The following ZNF248 variants were observed in gnomAD, a reference collection of about 807,000 sequenced individuals.
The protein encoded by ZNF248 is KRAB protein domain.
ZNF248 carries 20 observed loss-of-function variants against 44.3 expected under a neutral mutation model. The observed-to-expected ratio is 0.45, with a 90% CI of 0.32 to 0.66. ZNF248 has a LOEUF of 0.66. ZNF248 is among the 30% of genes least tolerant of loss of function. The pLI is 0.04. For synonymous variants in ZNF248, 224 were observed against 229.0 expected, an observed-to-expected ratio of 0.98 and a Z score of 0.20; for missense variants, 654 against 677.0, an observed-to-expected ratio of 0.97 and a Z score of 0.38.
intron 4 of ZNF248, 113 bp from the exon 5 acceptor site, chr10:37,837,825 A>G (rs2057526007): frequency 7.4e-7 from 1 of 1,360,502 alleles, no homozygotes; most frequent in African/African-American, 1.5e-5. Flanking sequence ...GAATGTGCAC[A>G]AATGAACCAA....
intron 6 of ZNF248, chr10:37,802,879 G>GCCAGC (rs2049997711): frequency 6.6e-6 from 1 of 152,264 alleles, no homozygotes; most frequent in Admixed American, 6.5e-5. Context: ...CTGTACCACA[G>GCCAGC]TGGTATGATT....
chr10:37,796,356 C>T (rs772071857), intron 6 of ZNF248, among the ~76,000 whole-genome samples: 16 of 151,408 alleles, frequency 1.1e-4, no homozygotes, highest in Admixed American at 6.6e-4. Flanking sequence ...GCTGGGATTA[C>T]AGGCATGCAC....
chr10:37,791,139 T>C (rs1480834546), intron 6 of ZNF248, among the ~76,000 whole-genome samples: 4 of 145,016 alleles, frequency 2.8e-5, no homozygotes, highest in Admixed American at 2.2e-4. Flanking sequence ...CTTCCCGGGT[T>C]CACGCCATTC....
intron 6 of ZNF248, among the ~76,000 whole-genome samples, chr10:37,781,032 T>A (rs2047254275): frequency 6.6e-6 from 1 of 152,200 alleles, no homozygotes; most frequent in Admixed American, 6.5e-5. Flanking sequence ...ATATGATGGT[T>A]AATTCGACCC....
intron 3 of ZNF248, among the ~76,000 whole-genome samples, chr10:37,838,416 A>G (rs1471448676): frequency 6.6e-6 from 1 of 152,252 alleles, no homozygotes; most frequent in Non-Finnish European, 1.5e-5. Flanking sequence ...TGCAGGAACT[A>G]GCAGTGTGTA....
chr10:37,856,633 GA>G (rs34033199), intron 1 of ZNF248, 101 bp from the exon 2 acceptor site: 499 of 920,018 alleles, frequency 5.4e-4, no homozygotes, highest in East Asian at 1.9e-3. Flanking sequence ...TCCTTGTAGG[GA>G]AAAAAAAAAA....
At chr10:37,774,037 T>G (rs1255910353), downstream of ZNF248, among the ~76,000 whole-genome samples, 1 of 151,526 alleles carries the variant, frequency 6.6e-6, no homozygotes. Context: ...ATCCTATCAG[T>G]TGTTTCTCTG....
chr10:37,800,154 G>A (rs1170385396), intron 6 of ZNF248, among the ~76,000 whole-genome samples: 1 of 152,074 alleles, frequency 6.6e-6, no homozygotes, highest in Non-Finnish European at 1.5e-5. Flanking sequence ...TACATGTACG[G>A]GTTTGTTATA....
chr10:37,777,803 G>A (rs2046772485), intron 6 of ZNF248, among the ~76,000 whole-genome samples: 1 of 150,822 alleles, frequency 6.6e-6, no homozygotes, highest in Non-Finnish European at 1.5e-5. Flanking sequence ...TTTTGTTCTT[G>A]CGATAATTTA....
chr10:37,837,486 T>C (rs146166723), intron 5 of ZNF248, 131 bp downstream of exon 5: 2 of 702,400 alleles, frequency 2.8e-6, no homozygotes, highest in East Asian at 2.7e-5. Flanking sequence ...CCAATTGTTT[T>C]TGATCATTTC....
chr10:37,774,077 C>T (rs1056490066), downstream of ZNF248, among the ~76,000 whole-genome samples: 2 of 152,170 alleles, frequency 1.3e-5, no homozygotes, highest in Admixed American at 1.3e-4. Context: ...GGGCTTAGGG[C>T]ATGTTATTTT....
At chr10:37,770,652 C>T in the ZNF248 span, among the ~76,000 whole-genome samples, 1 of 152,086 alleles carries the variant, frequency 6.6e-6, no homozygotes, top group East Asian at 1.9e-4. Flanking sequence ...CATGTTAGAC[C>T]TAAAACCATA....
At chr10:37,786,310 G>C (rs980362122) in intron 6 of ZNF248, among the ~76,000 whole-genome samples, 4 of 152,232 alleles carry the variant, frequency 2.6e-5, no homozygotes, top group Admixed American at 2.0e-4. Flanking sequence ...TCTGATTATA[G>C]GTTGTTTTTA....
chr10:37,847,812 A>G (rs1564654272), intron 3 of ZNF248, among the ~76,000 whole-genome samples: 1 of 152,230 alleles, frequency 6.6e-6, no homozygotes, highest in African/African-American at 2.4e-5. Context: ...CTCTGAGCTG[A>G]TAACTGGGGA....
chr10:37,761,575 T>C, the ZNF248 span, among the ~76,000 whole-genome samples: 2 of 152,198 alleles, frequency 1.3e-5, no homozygotes, highest in African/African-American at 2.4e-5. Context: ...GCTGATGCAA[T>C]GAAAAAGTGC....
Position 37,831,685 on chromosome 10 carries a change from A to C in ZNF248, c.1670T>G (p.Phe557Cys). ...PYECNACGKT[F>C]SQRSVLTKHQ... is the part of the protein sequence containing the mutation. The stretch of plus-strand genomic sequence containing the variant: ...TTTGGTGAGCACTGACCTCTGACTA[A>C]AGGTCTTCCCACATGCATTACACTC... Residue 557 changes from phenylalanine to cysteine, a missense_variant, in exon 6 of 6, where the codon TTT (phenylalanine) becomes TGT (cysteine). Phe to Cys is a radical substitution (Grantham distance 205). Coordinates refer to ENST00000395867, the MANE Select transcript of ZNF248 (RefSeq NM_021045.3). 1 of 1,613,914 alleles carries C rather than the reference A, an allele frequency of 6.2e-7. No homozygotes were observed. Among genetic ancestry groups the C allele is most frequent in the African/African-American group, 1.3e-5 (1 of 75,020 alleles).
chr10:37,786,332 C>T (rs2047866690), intron 6 of ZNF248, among the ~76,000 whole-genome samples: 1 of 152,080 alleles, frequency 6.6e-6, no homozygotes, highest in Non-Finnish European at 1.5e-5. Context: ...GCCCACAGTG[C>T]CTCTGTGTTT....
chr10:37,831,694 C>T lies in ZNF248; in HGVS notation c.1661G>A (p.Gly554Glu). The change falls in exon 6 of 6, where the codon GGG (glycine) becomes GAG (glutamate). Residue 554 changes from glycine to glutamate, a missense_variant. Coordinates refer to ENST00000395867, the MANE Select transcript of ZNF248 (RefSeq NM_021045.3). The stretch of plus-strand genomic sequence containing the variant: ...CACTGACCTCTGACTAAAGGTCTTC[C>T]CACATGCATTACACTCATACGGCTT... ...GEKPYECNAC[G>E]KTFSQRSVLT... is the part of the protein sequence containing the mutation. The T allele has an allele frequency of 6.2e-7, 1 of 1,613,920 alleles. No individual in the cohort carries two copies. Among genetic ancestry groups the T allele is most frequent in the Non-Finnish European group, 8.5e-7 (1 of 1,179,858 alleles).
At chr10:37,834,704 A>T (rs1028107613) in intron 5 of ZNF248, among the ~76,000 whole-genome samples, 6 of 152,354 alleles carry the variant, frequency 3.9e-5, no homozygotes, top group African/African-American at 1.4e-4. Context: ...TCAGCAAAAA[A>T]TCAAGTTCTA....
Sources: allele counts gnomAD v4.1 joint callset (sites outside exome capture counted in the v4.1 genomes callset), GRCh38; gene constraint gnomAD v4.1.1; transcripts MANE v1.5; gene names NCBI Gene and HGNC (gene_info 2026-07-23, HGNC 2026-07-21).